Variants in RPH3A observed in about 807,000 individuals in gnomAD.
RPH3A encodes the protein rabphilin 3A.
Under a neutral mutation model 102.2 loss-of-function variants are expected in RPH3A, and 48 were observed. The observed-to-expected ratio is 0.47, with a 90% CI of 0.37 to 0.60. The LOEUF (loss-of-function observed/expected upper bound fraction) is 0.60, where lower values mean the gene tolerates loss of function less well. Among genes scored for constraint, RPH3A ranks in the 20% least tolerant of loss-of-function variants. The pLI is 0.00. For synonymous variants in RPH3A, 310 were observed against 324.3 expected (o/e 0.96, Z 0.47); for missense variants, 781 against 910.1 (o/e 0.86, Z 1.83).
intron 1 of RPH3A, among the ~76,000 whole-genome samples, chr12:112,715,584 G>T (rs1275488226): frequency 6.6e-6 from 1 of 152,146 alleles, no homozygotes; most frequent in Non-Finnish European, 1.5e-5. Context: ...ATTATGTGAA[G>T]ACTTTAATTT....
intron 3 of RPH3A, among the ~76,000 whole-genome samples, chr12:112,833,732 T>G (rs1210300442): frequency 1.7e-5 from 1 of 60,004 alleles, no homozygotes; most frequent in African/African-American, 1.3e-4. Flanking sequence ...AATTTCATGT[T>G]TTTTTTTTTT....
intron 1 of RPH3A, among the ~76,000 whole-genome samples, chr12:112,740,968 G>T (rs1333074787): frequency 6.6e-6 from 1 of 152,172 alleles, no homozygotes; most frequent in Admixed American, 6.5e-5. Flanking sequence ...GGGAATCTCA[G>T]AGGGCTTTTG....
At chr12:112,606,717 G>T (rs765934641) in intron 1 of RPH3A, among the ~76,000 whole-genome samples, 4 of 152,168 alleles carry the variant, frequency 2.6e-5, no homozygotes, top group African/African-American at 7.2e-5. Flanking sequence ...AAGGTGAAGG[G>T]GAAGCAGCAT....
rs537820978 is a variant in RPH3A at position 112,768,675 on chromosome 12, G to A, written c.-139-23468G>A. The stretch of plus-strand genomic sequence containing the variant: ...TGCCTATAATCTCAGCCATCTGGGA[G>A]GCTGAAGTGGGAGGACTGCTTGAAG... On this transcript the variant is annotated intron_variant, in intron 1 of 21. Transcript: ENST00000543106. Among the ~76,000 whole-genome samples the A allele has an allele frequency of 3.2e-3, 485 of 152,324 alleles. 4 individuals are homozygous for A. The highest frequency in any genetic ancestry group is 0.011 in the African/African-American group (458 of 41,560).
chr12:112,730,903 G>A lies in RPH3A; in HGVS notation c.-139-61240G>A, dbSNP rs142069715. On this transcript the variant is annotated intron_variant, in intron 1 of 21. Transcript: ENST00000543106. ...CCATTGTTCCAGGGCTGGCTTATAG[G>A]GCACACTGGGGCTCAGATCTCTGTA... Among the ~76,000 whole-genome samples, 201 of 152,236 alleles carry A rather than the reference G, an allele frequency of 1.3e-3. 1 individual carries two copies. The highest frequency in any genetic ancestry group is 4.6e-3 in the African/African-American group (193 of 41,542).
At chr12:112,861,087 A>G (rs937888932) in intron 5 of RPH3A, among the ~76,000 whole-genome samples, 1 of 152,206 alleles carries the variant, frequency 6.6e-6, no homozygotes, top group Non-Finnish European at 1.5e-5. Flanking sequence ...CTCTGTATGG[A>G]ATGAGGTGTG....
chr12:112,579,778 C>G (rs1363387896), intron 1 of RPH3A, among the ~76,000 whole-genome samples: 4 of 152,122 alleles, frequency 2.6e-5, no homozygotes, highest in Non-Finnish European at 5.9e-5. Flanking sequence ...CACCCAGGCT[C>G]TAGTGCAGTG....
intron 1 of RPH3A, among the ~76,000 whole-genome samples, chr12:112,767,386 C>T (rs2040897831): frequency 6.6e-6 from 1 of 152,156 alleles, no homozygotes; most frequent in Admixed American, 6.5e-5. Flanking sequence ...CTGGCATCAC[C>T]CAGGATGAGA....
chr12:112,708,200 C>G (rs566560887), intron 1 of RPH3A, among the ~76,000 whole-genome samples: 17 of 152,290 alleles, frequency 1.1e-4, no homozygotes, highest in African/African-American at 4.1e-4. Context: ...TAAGTAGCTA[C>G]AGGGAAGTAG....
chr12:112,670,778 G>A (rs913047424), intron 1 of RPH3A, among the ~76,000 whole-genome samples: 6 of 152,282 alleles, frequency 3.9e-5, no homozygotes, highest in Admixed American at 3.3e-4. Flanking sequence ...TCTCAAGAGA[G>A]AACAAAAGCA....
rs915844793 is a variant in RPH3A at position 112,869,815 on chromosome 12, T to A, written c.649+18T>A. On this transcript the variant is annotated intron_variant, in intron 9 of 21. Coordinates refer to ENST00000389385, the MANE Select transcript of RPH3A (RefSeq NM_001143854.2). ...GAAGACAGGTGGGTTCTGCTGACTC[T>A]GTTTTGTCATTTGAGACACGAATTC... 8.1e-6 allele frequency: 13 copies of A among 1,614,080 alleles called. No individual in the cohort carries two copies. The highest frequency in any genetic ancestry group is 1.1e-5 in the Non-Finnish European group (13 of 1,180,032).
At chr12:112,778,716 A>G (rs1239526085) in intron 1 of RPH3A, among the ~76,000 whole-genome samples, 1 of 152,200 alleles carries the variant, frequency 6.6e-6, no homozygotes, top group Non-Finnish European at 1.5e-5. Flanking sequence ...GATACAAAGA[A>G]GCCTCTTGGC....
At chr12:112,771,453 C>A (rs2040927071) in intron 1 of RPH3A, among the ~76,000 whole-genome samples, 1 of 152,204 alleles carries the variant, frequency 6.6e-6, no homozygotes, top group South Asian at 2.1e-4. Context: ...TTCATTTACC[C>A]AGTCCCCTTT....
intron 1 of RPH3A, among the ~76,000 whole-genome samples, chr12:112,579,336 C>T (rs1304199777): frequency 1.3e-5 from 2 of 152,178 alleles, no homozygotes; most frequent in African/African-American, 4.8e-5. Context: ...ACCCAAAGCA[C>T]GGCTCAAACA....
chr12:112,691,805 A>T (rs1190684997), intron 1 of RPH3A, among the ~76,000 whole-genome samples: 1 of 152,190 alleles, frequency 6.6e-6, no homozygotes, highest in Non-Finnish European at 1.5e-5. Context: ...CAGACATCCC[A>T]CTTTAAGTGC....
rs113867631 is a variant in RPH3A at position 112,869,576 on chromosome 12, C to CA, written c.611-174dup. The CA allele has an allele frequency of 1.0e-3, 613 of 588,734 alleles. 2 individuals are homozygous for CA. The highest frequency in any genetic ancestry group is 2.4e-3 in the South Asian group (109 of 45,568). The allele number at this position is 588,734 out of a possible 1,614,324, so 36.5% of individuals were successfully genotyped here. On this transcript the variant is annotated intron_variant, in intron 8 of 21. Coordinates refer to ENST00000389385, the MANE Select transcript of RPH3A (RefSeq NM_001143854.2). Reference sequence around the variant, plus strand: ...GTATGCTCATATGTGTTTGTGCATGCAAAAAAAAATGTGAAATTGTAAACA... The same window carrying CA: ...GTATGCTCATATGTGTTTGTGCATGCAAAAAAAAAATGTGAAATTGTAAACA...
intron 1 of RPH3A, among the ~76,000 whole-genome samples, chr12:112,678,628 G>A (rs1246500668): frequency 6.6e-6 from 1 of 152,132 alleles, no homozygotes; most frequent in Non-Finnish European, 1.5e-5. Flanking sequence ...TCTGGAAGTA[G>A]CCAGTTGTTT....
At chr12:112,722,574 A>G (rs1417149955) in intron 1 of RPH3A, among the ~76,000 whole-genome samples, 2 of 152,208 alleles carry the variant, frequency 1.3e-5, no homozygotes, top group Non-Finnish European at 2.9e-5. Context: ...ACTTGTGGAC[A>G]TGAGTGGCCA....
chr12:112,639,143 C>T (rs367824612), intron 1 of RPH3A, among the ~76,000 whole-genome samples: 16 of 152,220 alleles, frequency 1.1e-4, no homozygotes, highest in African/African-American at 2.2e-4. Context: ...CAGTGGTTTA[C>T]GGGTGTATCA....
Sources: gnomAD v4.1 joint callset for allele counts (sites outside exome capture counted in the v4.1 genomes callset) on GRCh38, gnomAD v4.1.1 for gene constraint, MANE v1.5 for transcripts, NCBI Gene and HGNC (gene_info 2026-07-23, HGNC 2026-07-21) for gene names.